The following TMEM232 variants were observed in gnomAD, a reference collection of about 807,000 sequenced individuals.
The protein encoded by TMEM232 is transmembrane protein 232.
In TMEM232, 80 loss-of-function variants were observed where a neutral mutation model predicts 78.8. The ratio of observed to expected loss-of-function variants is 1.01; its 90% confidence interval spans 0.85 to 1.22. The LOEUF is 1.22. Among genes scored for constraint, TMEM232 ranks in the 50% most tolerant of loss-of-function variants. TMEM232 has a pLI of 0.00. For synonymous variants in TMEM232, 297 were observed against 254.3 expected (o/e 1.17, Z -1.60); for missense variants, 881 against 742.2 (o/e 1.19, Z -2.17).
chr5:110,686,016 T>C (rs1383285274), intron 1 of TMEM232, among the ~76,000 whole-genome samples: 2 of 151,898 alleles, frequency 1.3e-5, no homozygotes, highest in Non-Finnish European at 2.9e-5. Context: ...AAATATTATA[T>C]ATTAGGGATG....
chr5:110,680,698 CT>C (rs1162927430), intron 1 of TMEM232, among the ~76,000 whole-genome samples: 3 of 151,508 alleles, frequency 2.0e-5, no homozygotes, highest in East Asian at 1.9e-4. Context: ...CTAGATATGT[CT>C]TTTTTTGGAA....
intron 12 of TMEM232, among the ~76,000 whole-genome samples, chr5:110,464,122 C>T (rs1282125994): frequency 6.6e-6 from 1 of 152,162 alleles, no homozygotes; most frequent in Non-Finnish European, 1.5e-5. Context: ...GCAGTTCTCA[C>T]ACACCGAAGT....
At chr5:110,579,144 C>A (rs1777887396) in intron 10 of TMEM232, among the ~76,000 whole-genome samples, 3 of 150,732 alleles carry the variant, frequency 2.0e-5, no homozygotes, top group Admixed American at 1.3e-4. Context: ...GTAAGACTAC[C>A]CAAAGATTTT....
At position 110,625,346 on chromosome 5, in the gene TMEM232, C is replaced by T. The variant is rs1275380259; in HGVS notation, c.689G>A (p.Gly230Asp). The T allele has an allele frequency of 1.6e-5, 24 of 1,547,610 alleles. No individual in the cohort carries two copies. The highest frequency in any genetic ancestry group is 2.0e-5 in the Non-Finnish European group (23 of 1,144,624). The part of the protein sequence containing the change: ...QFILKASEII[G>D]KRELRSESIF... ...GGATTCAGAACGGAGTTCTCTTTTA[C>T]CTATAATTTCCGAGGCTTTCAGGAT... Residue 230 changes from glycine to aspartate, a missense_variant, in exon 7 of 14, where the codon GGT (glycine) becomes GAT (aspartate). Gly to Asp is a moderately conservative substitution (Grantham distance 94, BLOSUM62 -1). Coordinates refer to ENST00000455884, the MANE Select transcript of TMEM232 (RefSeq NM_001039763.4).
intron 8 of TMEM232, 42 bp downstream of exon 8, chr5:110,618,387 A>T: frequency 1.3e-6 from 2 of 1,543,930 alleles, no homozygotes; most frequent in East Asian, 2.5e-5. Context: ...AAGCACAAAG[A>T]TTTCTCCATG....
At chr5:110,690,933 G>A (rs1370343152) in intron 1 of TMEM232, among the ~76,000 whole-genome samples, 1 of 151,894 alleles carries the variant, frequency 6.6e-6, no homozygotes, top group Non-Finnish European at 1.5e-5. Flanking sequence ...ATGAGAACAT[G>A]TGGACATAGG....
At chr5:110,575,157 GATA>G (rs137895435) in intron 10 of TMEM232, among the ~76,000 whole-genome samples, 16 of 152,028 alleles carry the variant, frequency 1.1e-4, no homozygotes, top group African/African-American at 2.9e-4. Context: ...TACAAATAAT[GATA>G]ATGATGATAT....
At chr5:110,670,725 T>C (rs1791247358) in intron 1 of TMEM232, among the ~76,000 whole-genome samples, 1 of 152,094 alleles carries the variant, frequency 6.6e-6, no homozygotes. Context: ...GCAGAATTAA[T>C]ATTTTCAGGC....
chr5:110,635,774 G>C (rs1785727008), intron 5 of TMEM232, among the ~76,000 whole-genome samples: 2 of 151,868 alleles, frequency 1.3e-5, no homozygotes, highest in African/African-American at 2.4e-5. Flanking sequence ...ATGATGGCGA[G>C]GATACAGAGA....
At chr5:110,584,095 C>T (rs1413887291) in intron 10 of TMEM232, among the ~76,000 whole-genome samples, 1 of 151,716 alleles carries the variant, frequency 6.6e-6, no homozygotes, top group Non-Finnish European at 1.5e-5. Context: ...CATACAATTT[C>T]CTCTAAAAAT....
chr5:110,454,650 A>C (rs947878317), intron 12 of TMEM232, among the ~76,000 whole-genome samples: 4 of 152,154 alleles, frequency 2.6e-5, no homozygotes, highest in Admixed American at 6.5e-5. Context: ...AAATGAAAGC[A>C]CTGACAAAAT....
intron 13 of TMEM232, among the ~76,000 whole-genome samples, chr5:110,422,175 A>G (rs1756709751): frequency 6.6e-6 from 1 of 152,182 alleles, no homozygotes; most frequent in South Asian, 2.1e-4. Context: ...TAATGACAGT[A>G]TCTATAAACA....
At chr5:110,648,648 G>A (rs529671683) in intron 2 of TMEM232, among the ~76,000 whole-genome samples, 1 of 152,068 alleles carries the variant, frequency 6.6e-6, no homozygotes, top group Admixed American at 6.6e-5. Flanking sequence ...GATGTCAGCT[G>A]TGTTACTGGG....
rs1327447908 is a variant in TMEM232 at position 110,424,931 on chromosome 5, A to C, written c.1704-15T>G. 2.6e-6 allele frequency: 4 copies of C among 1,533,088 alleles called. No homozygotes were observed. Among genetic ancestry groups the C allele is most frequent in the Non-Finnish European group, 2.6e-6 (3 of 1,133,020 alleles). The allele number at this position is 1,533,088 out of a possible 1,614,324, so 95.0% of individuals were successfully genotyped here. A position where few individuals can be genotyped will look rare whatever the true frequency, so the allele number is the denominator to read the frequency against. On this transcript the variant is annotated splice_polypyrimidine_tract_variant and intron_variant, in intron 12 of 13. Transcript: ENST00000455884. ...AAGGATGTTCCCTTCAAAAGAGCACAAGAACAAATCCAACATTAGGTATAG... is the reference window on the plus strand; with the variant it reads ...AAGGATGTTCCCTTCAAAAGAGCACCAGAACAAATCCAACATTAGGTATAG...
At chr5:110,672,806 G>C (rs1018062594) in intron 1 of TMEM232, among the ~76,000 whole-genome samples, 1 of 151,910 alleles carries the variant, frequency 6.6e-6, no homozygotes, top group Non-Finnish European at 1.5e-5. Context: ...ATCAGCAAAA[G>C]AATTTAGTAC....
At chr5:110,592,390 G>A (rs1227545445) in intron 10 of TMEM232, among the ~76,000 whole-genome samples, 1 of 152,062 alleles carries the variant, frequency 6.6e-6, no homozygotes, top group Non-Finnish European at 1.5e-5. Flanking sequence ...TTTCAAAATA[G>A]AATCATCAGT....
At chr5:110,448,466 G>A (rs553165997) in intron 12 of TMEM232, among the ~76,000 whole-genome samples, 5 of 152,080 alleles carry the variant, frequency 3.3e-5, no homozygotes, top group Non-Finnish European at 7.4e-5. Context: ...GTTCTACAAA[G>A]ACTAGCAGTG....
chr5:110,694,599 G>C (rs2150240873), intron 1 of TMEM232, among the ~76,000 whole-genome samples: 1 of 152,180 alleles, frequency 6.6e-6, no homozygotes, highest in East Asian at 1.9e-4. Context: ...AAAATAAAGG[G>C]ATGGAGGAAG....
At chr5:110,599,944 A>G (rs1193608500) in intron 10 of TMEM232, among the ~76,000 whole-genome samples, 1 of 152,134 alleles carries the variant, frequency 6.6e-6, no homozygotes, top group African/African-American at 2.4e-5. Flanking sequence ...AAATGAAAAG[A>G]ACGGAAATCA....
Sources: allele counts gnomAD v4.1 joint callset (sites outside exome capture counted in the v4.1 genomes callset), GRCh38; gene constraint gnomAD v4.1.1; transcripts MANE v1.5; gene names NCBI Gene and HGNC (gene_info 2026-07-23, HGNC 2026-07-21).